The following ACAD10 variants were observed in gnomAD, a reference collection of about 807,000 sequenced individuals.
ACAD10 encodes the protein ACAD-10.
ACAD10 carries 112 observed loss-of-function variants against 116.8 expected under a neutral mutation model. The observed-to-expected ratio is 0.96, with a 90% CI of 0.82 to 1.12. The LOEUF (loss-of-function observed/expected upper bound fraction) is 1.12, where lower values mean the gene tolerates loss of function less well. Ranked by LOEUF, ACAD10 falls within the 50% of genes most tolerant of loss-of-function variation. The probability of loss-of-function intolerance (pLI) is 0.00; values close to 1 mark genes in which losing one functional copy is unlikely to be tolerated. For synonymous variants in ACAD10, 486 were observed against 510.6 expected (o/e 0.95, Z 0.65); for missense variants, 1,259 against 1,350.2 (o/e 0.93, Z 1.06).
chr12:111,720,792 A>AT (rs1005113597), intron 7 of ACAD10, among the ~76,000 whole-genome samples: 44 of 149,724 alleles, frequency 2.9e-4, no homozygotes, highest in East Asian at 1.2e-3. Flanking sequence ...ATTTTATTTT[A>AT]TTTTTTTTTG....
chr12:111,698,160 A>AATT (rs1484763962), intron 2 of ACAD10, among the ~76,000 whole-genome samples: 1 of 151,290 alleles, frequency 6.6e-6, no homozygotes, highest in Non-Finnish European at 1.5e-5. Flanking sequence ...ACACCTAGCT[A>AATT]ATTTTTTATA....
At chr12:111,754,693 T>C (rs113556915) in intron 19 of ACAD10, among the ~76,000 whole-genome samples, 11 of 152,316 alleles carry the variant, frequency 7.2e-5, no homozygotes, top group African/African-American at 2.6e-4. Context: ...GCTGGGTGTC[T>C]CCCTTGAACA....
At chr12:111,723,471 A>G (rs1255379204) in intron 8 of ACAD10, among the ~76,000 whole-genome samples, 1 of 108,698 alleles carries the variant, frequency 9.2e-6, no homozygotes, top group Non-Finnish European at 1.9e-5. Flanking sequence ...CGGGGGGCTG[A>G]CCCCCCCGCC....
chr12:111,689,106 G>T (rs607468), intron 1 of ACAD10, among the ~76,000 whole-genome samples: 1 of 151,934 alleles, frequency 6.6e-6, no homozygotes, highest in Non-Finnish European at 1.5e-5. Context: ...CAGGAGAATC[G>T]CTTGAACCCA....
At chr12:111,735,172 T>C (rs2135980014) in intron 11 of ACAD10, among the ~76,000 whole-genome samples, 1 of 149,264 alleles carries the variant, frequency 6.7e-6, no homozygotes, top group East Asian at 2.0e-4. Context: ...TGCAATGAGC[T>C]GAGATGGCGC....
intron 4 of ACAD10, 125 bp downstream of exon 4, chr12:111,706,057 GT>G: frequency 9.9e-7 from 1 of 1,012,486 alleles, no homozygotes; most frequent in Non-Finnish European, 1.5e-6. Flanking sequence ...ACTTGACTAA[GT>G]TAGGTTTAAA....
chr12:111,693,198 C>G (rs896706220), intron 2 of ACAD10: 1 of 315,596 alleles, frequency 3.2e-6, no homozygotes, highest in African/African-American at 2.2e-5. Context: ...TCAGTGCATC[C>G]TAAATTCTCA....
intron 8 of ACAD10, among the ~76,000 whole-genome samples, chr12:111,725,497 G>C (rs942990186): frequency 1.3e-5 from 2 of 151,998 alleles, no homozygotes; most frequent in Admixed American, 1.3e-4. Context: ...CTGGATGATA[G>C]AGTGAGACCC....
intron 9 of ACAD10, among the ~76,000 whole-genome samples, chr12:111,728,683 T>C (rs1889297356): frequency 6.6e-6 from 1 of 152,058 alleles, no homozygotes; most frequent in African/African-American, 2.4e-5. Flanking sequence ...TCAACAGGGA[T>C]AGTTTTTTTG....
intron 2 of ACAD10, among the ~76,000 whole-genome samples, chr12:111,700,990 C>T (rs1888333825): frequency 6.6e-6 from 1 of 152,000 alleles, no homozygotes. Flanking sequence ...GACTCCTAGC[C>T]TCAAGCGATC....
rs560344796 is a variant in ACAD10, at chr12:111,718,036, C to CTTTTTTTTTTTTTTTT, written c.992+2090_992+2105dup. On this transcript the variant is annotated intron_variant, in intron 7 of 20. Transcript: ENST00000313698. ...TATACGTAGGATCTATAGTGATATC[C>CTTTTTTTTTTTTTTTT]TTTTTTTTTTTTTTTTTTTTTTTTT... Among the ~76,000 whole-genome samples the CTTTTTTTTTTTTTTTT allele has an allele frequency of 2.5e-4, 16 of 63,678 alleles. 2 individuals are homozygous for CTTTTTTTTTTTTTTTT. The highest frequency in any genetic ancestry group is 1.3e-3 in the African/African-American group (16 of 12,208). The allele number at this position is 63,678 out of a possible 152,430, so 41.8% of individuals were successfully genotyped here.
chr12:111,714,352 G>A (rs772352840), intron 6 of ACAD10, among the ~76,000 whole-genome samples: 22 of 152,170 alleles, frequency 1.4e-4, no homozygotes, highest in African/African-American at 5.3e-4. Context: ...CAGAAAACCA[G>A]GTGCCTTGTG....
intron 9 of ACAD10, among the ~76,000 whole-genome samples, chr12:111,729,330 T>C (rs113225575): frequency 0.016 from 2,385 of 152,216 alleles, 73 homozygotes; most frequent in African/African-American, 0.054. Flanking sequence ...CTCCGCCTCC[T>C]GGGTTCAAGC....
chr12:111,688,877 T>C (rs1887958975), intron 1 of ACAD10, among the ~76,000 whole-genome samples: 1 of 151,468 alleles, frequency 6.6e-6, no homozygotes, highest in Non-Finnish European at 1.5e-5. Flanking sequence ...AAGCAAGATA[T>C]GAGTTAAGTA....
intron 10 of ACAD10, among the ~76,000 whole-genome samples, chr12:111,732,097 A>C (rs1222476244): frequency 1.3e-5 from 2 of 152,194 alleles, no homozygotes; most frequent in African/African-American, 4.8e-5. Flanking sequence ...CAACAAAAAA[A>C]GAAAAGTAAT....
At chr12:111,749,079 T>C (rs201150913) in intron 17 of ACAD10, 94 bp from the exon 18 acceptor site, 183 of 1,613,372 alleles carry the variant, frequency 1.1e-4, no homozygotes, top group East Asian at 1.6e-4. Flanking sequence ...GGCAGGGACA[T>C]TGCCAGCAGA....
Position 111,729,954 on chromosome 12 carries a change from C to G in ACAD10, c.1392C>G (p.Phe464Leu). 6.2e-7 allele frequency: 1 copy of G among 1,613,252 alleles called. No individual in the cohort carries two copies. Among genetic ancestry groups the G allele is most frequent in the Non-Finnish European group, 8.5e-7 (1 of 1,179,468 alleles). Residue 464 changes from phenylalanine (F) to leucine (L), a missense_variant and splice_region_variant, in exon 10 of 21, where the codon TTC becomes TTG. Coordinates refer to ENST00000313698, the MANE Select transcript of ACAD10 (RefSeq NM_025247.6). ...GGACCACAGTGGTGCACGGGGACTT[C>G]AGGTAGATGTGGTGGCAGGGAGAGC... ...QQRTTVVHGD[F>L]RLDNLVFHPE...
chr12:111,739,191 A>T (rs973506130), intron 12 of ACAD10, among the ~76,000 whole-genome samples: 2 of 152,238 alleles, frequency 1.3e-5, no homozygotes, highest in Non-Finnish European at 2.9e-5. Flanking sequence ...ATGAAAGCCA[A>T]CACCACTGAG....
chr12:111,724,607 G>C (rs895316699), intron 8 of ACAD10, among the ~76,000 whole-genome samples: 1 of 152,186 alleles, frequency 6.6e-6, no homozygotes, highest in African/African-American at 2.4e-5. Flanking sequence ...GCTGGAGACC[G>C]GCCTGGCCAA....
Sources: gnomAD v4.1 joint callset for allele counts (sites outside exome capture counted in the v4.1 genomes callset) on GRCh38, gnomAD v4.1.1 for gene constraint, MANE v1.5 for transcripts, NCBI Gene and HGNC (gene_info 2026-07-23, HGNC 2026-07-21) for gene names.